TMEM51: variants seen among roughly 807,000 people sequenced by gnomAD.
The protein encoded by TMEM51 is transmembrane protein 51.
Under a neutral mutation model 13.6 loss-of-function variants are expected in TMEM51, and 8 were observed. That is an observed-to-expected ratio of 0.59 (90% CI 0.35 to 1.07). TMEM51 has a LOEUF of 1.07. Among genes scored for constraint, TMEM51 ranks in the 50% least tolerant of loss-of-function variants. TMEM51 has a pLI of 0.02. For synonymous variants in TMEM51, 147 were observed against 144.4 expected (o/e 1.02, Z -0.13); for missense variants, 279 against 330.7 (o/e 0.84, Z 1.21).
At chr1:15,167,323 T>C (rs1369876734) in intron 1 of TMEM51, among the ~76,000 whole-genome samples, 1 of 67,512 alleles carries the variant, frequency 1.5e-5, no homozygotes, top group Non-Finnish European at 2.5e-5. Context: ...CGAGACTCCA[T>C]CTCAAAAAAA....
At chr1:15,158,338 T>C (rs1642655428) in intron 1 of TMEM51, among the ~76,000 whole-genome samples, 1 of 152,210 alleles carries the variant, frequency 6.6e-6, no homozygotes, top group Admixed American at 6.5e-5. Context: ...CAATTCTCTC[T>C]GAACTCTTAG....
intron 1 of TMEM51, among the ~76,000 whole-genome samples, chr1:15,186,471 CG>C (rs1449668224): frequency 6.6e-6 from 1 of 151,972 alleles, no homozygotes; most frequent in Non-Finnish European, 1.5e-5. Context: ...TGAGGGAGAG[CG>C]GGGGGTCATG....
At position 15,219,371 on chromosome 1, in the gene TMEM51, T is replaced by C. The variant is rs774767330; in HGVS notation, c.390T>C (p.Tyr130=). 25 of 1,607,734 alleles carry C rather than the reference T, an allele frequency of 1.6e-5. No individual in the cohort carries two copies. The highest frequency in any genetic ancestry group is 1.0e-4 in the Admixed American group (6 of 59,562). Residue 130 remains tyrosine, a synonymous_variant, in exon 4 of 4, where the codon TAT becomes TAC. Transcript: ENST00000376008. ...ATGAGGAGGCTGCCTCAAGGTACTA[T>C]GTTCCCAGCTACGAGGAAGTGATGA... ...EEDEEAASRY[Y]VPSYEEVMNT...
At chr1:15,157,205 G>A (rs1642618664) in intron 1 of TMEM51, among the ~76,000 whole-genome samples, 1 of 152,074 alleles carries the variant, frequency 6.6e-6, no homozygotes, top group Non-Finnish European at 1.5e-5. Flanking sequence ...CCTGACCCTC[G>A]ACTCCTCCCC....
intron 1 of TMEM51, among the ~76,000 whole-genome samples, chr1:15,174,825 T>C (rs1312624857): frequency 1.3e-5 from 2 of 152,190 alleles, no homozygotes; most frequent in East Asian, 3.9e-4. Context: ...TTGATGCACG[T>C]GTGCAGAGAG....
In TMEM51 at chr1:15,158,984, T is replaced by A. The variant is rs75969530; in HGVS notation, c.-267+5030T>A. 8.8e-3 allele frequency among the ~76,000 whole-genome samples: 1,334 copies of A among 152,272 alleles called. 19 individuals are homozygous for A. Among genetic ancestry groups the A allele is most frequent in the African/African-American group, 0.031 (1,285 of 41,542 alleles). On this transcript the variant is annotated intron_variant, in intron 1 of 3. Coordinates refer to ENST00000376008, the MANE Select transcript of TMEM51 (RefSeq NM_001136218.2). ...TGCACTGAGTCACTAGGTAAAAACG[T>A]CTCTCCTCCTGCATGGTAAGAACCT...
chr1:15,217,833 A>G (rs1015655416), intron 3 of TMEM51, among the ~76,000 whole-genome samples: 1 of 152,216 alleles, frequency 6.6e-6, no homozygotes, highest in East Asian at 1.9e-4. Context: ...GAATGCTAGT[A>G]TCTTCCAGAA....
At chr1:15,174,468 C>G (rs141273050) in intron 1 of TMEM51, among the ~76,000 whole-genome samples, 1 of 152,264 alleles carries the variant, frequency 6.6e-6, no homozygotes, top group East Asian at 1.9e-4. Flanking sequence ...TCTCAAATTC[C>G]TGGGGTCAGG....
intron 1 of TMEM51, among the ~76,000 whole-genome samples, chr1:15,184,548 G>T (rs577612193): frequency 1.3e-5 from 2 of 152,178 alleles, no homozygotes; most frequent in Admixed American, 6.5e-5. Context: ...TGGCTGCTGC[G>T]TAAAGACTTG....
chr1:15,216,158 A>G (rs10927730), intron 3 of TMEM51, among the ~76,000 whole-genome samples: 21,667 of 152,246 alleles, frequency 0.14, 1,750 homozygotes, highest in East Asian at 0.3. Flanking sequence ...TGGGGTGGCC[A>G]GCATATTTGC....
chr1:15,209,642 C>T (rs952763533), intron 1 of TMEM51, among the ~76,000 whole-genome samples: 1 of 152,154 alleles, frequency 6.6e-6, no homozygotes, highest in African/African-American at 2.4e-5. Flanking sequence ...CAGAGTGACA[C>T]GTTGTGGTTT....
At chr1:15,212,357 T>C (rs10927726) in intron 2 of TMEM51, among the ~76,000 whole-genome samples, 46,829 of 152,098 alleles carry the variant, frequency 0.31, 7,615 homozygotes, top group Non-Finnish European at 0.37. Flanking sequence ...CTGCCCATGA[T>C]TCACATCTGG....
At chr1:15,216,378 T>C (rs1644432832) in intron 3 of TMEM51, among the ~76,000 whole-genome samples, 1 of 152,200 alleles carries the variant, frequency 6.6e-6, no homozygotes, top group Non-Finnish European at 1.5e-5. Flanking sequence ...AGACAAAGAT[T>C]ATGAATATTC....
At chr1:15,216,031 CA>C (rs112675244) in intron 3 of TMEM51, among the ~76,000 whole-genome samples, 147 of 144,482 alleles carry the variant, frequency 1.0e-3, no homozygotes, top group South Asian at 5.2e-3. Flanking sequence ...GACTCTGTCT[CA>C]AAAAAAAAAA....
chr1:15,219,507 A>C lies in TMEM51; in HGVS notation c.526A>C (p.Arg176=). 3 of 1,614,046 alleles carry C rather than the reference A, an allele frequency of 1.9e-6. No individual in the cohort carries two copies. The highest frequency in any genetic ancestry group is 2.5e-6 in the Non-Finnish European group (3 of 1,180,016). The change falls in exon 4 of 4, where the codon AGG becomes CGG. Residue 176 remains arginine, a synonymous_variant. Transcript: ENST00000376008. Reference sequence around the variant, plus strand: ...CGACGAGACCACCCCCACATCCACCAGGGCTGACGTGGAGGCCAGCCCTGG... The same window carrying C: ...CGACGAGACCACCCCCACATCCACCCGGGCTGACGTGGAGGCCAGCCCTGG... ...GLDETTPTST[R]ADVEASPGNP...
chr1:15,166,448 C>T (rs1271591601), intron 1 of TMEM51, among the ~76,000 whole-genome samples: 2 of 152,160 alleles, frequency 1.3e-5, no homozygotes, highest in East Asian at 3.9e-4. Flanking sequence ...AGGCTGGGCA[C>T]GGTGGCTCAC....
chr1:15,181,049 A>G (rs1454867977), intron 1 of TMEM51, among the ~76,000 whole-genome samples: 1 of 152,172 alleles, frequency 6.6e-6, no homozygotes, highest in Non-Finnish European at 1.5e-5. Flanking sequence ...TCCTTCCGGA[A>G]GGCTGTGTGC....
At position 15,219,733 on chromosome 1, in the gene TMEM51, C is replaced by T. The variant is rs143637289; in HGVS notation, c.752C>T (p.Pro251Leu). The change falls in exon 4 of 4, where the codon CCG (proline) becomes CTG (leucine). Residue 251 changes from proline to leucine, a missense_variant. By Grantham distance (98) the Pro-to-Leu change is moderately conservative. Transcript: ENST00000376008. ...EVQEKAPDTR[P>L]PD ...CAGGAGAAGGCCCCCGACACCCGGC[C>T]GCCCGACTGAATGGCCCCACTTGAG... 884 of 1,612,752 alleles carry T rather than the reference C, an allele frequency of 5.5e-4. 1 individual carries two copies. Among genetic ancestry groups the T allele is most frequent in the Non-Finnish European group, 6.0e-4 (705 of 1,179,542 alleles).
chr1:15,171,876 C>T (rs1290435970), intron 1 of TMEM51, among the ~76,000 whole-genome samples: 1 of 152,148 alleles, frequency 6.6e-6, no homozygotes, highest in African/African-American at 2.4e-5. Context: ...CTTGACAGGA[C>T]CTTCTAGCAG....
Sources: gnomAD v4.1 joint callset for allele counts (sites outside exome capture counted in the v4.1 genomes callset) on GRCh38, gnomAD v4.1.1 for gene constraint, MANE v1.5 for transcripts, NCBI Gene and HGNC (gene_info 2026-07-23, HGNC 2026-07-21) for gene names.